Variants in MICAL3 observed in about 807,000 individuals in gnomAD.
The protein encoded by MICAL3 is [F-actin]-monooxygenase MICAL3.
In MICAL3, 62 loss-of-function variants were observed where a neutral mutation model predicts 207.4. The observed-to-expected ratio is 0.30, with a 90% CI of 0.24 to 0.37. The LOEUF is 0.37. MICAL3 is among the 10% of genes least tolerant of loss of function. The pLI, the probability that MICAL3 is intolerant of heterozygous loss-of-function variation, is 1.00. For synonymous variants in MICAL3, 1,077 were observed against 1,069.3 expected, an observed-to-expected ratio of 1.01 and a Z score of -0.14; for missense variants, 2,368 against 2,635.6, an observed-to-expected ratio of 0.90 and a Z score of 2.22.
intron 1 of MICAL3, among the ~76,000 whole-genome samples, chr22:17,993,281 G>T (rs1244581088): frequency 6.6e-6 from 1 of 151,746 alleles, no homozygotes; most frequent in South Asian, 2.1e-4. Context: ...TTTAAGTTCC[G>T]GGATACATGT....
intron 10 of MICAL3, among the ~76,000 whole-genome samples, chr22:17,894,807 A>AC (rs941390088): frequency 6.6e-6 from 1 of 151,998 alleles, no homozygotes; most frequent in Non-Finnish European, 1.5e-5. Context: ...AAAAAAAAAA[A>AC]AAAAAAAATT....
At chr22:17,996,445 G>GAAA (rs113489535) in intron 1 of MICAL3, among the ~76,000 whole-genome samples, 76 of 136,378 alleles carry the variant, frequency 5.6e-4, no homozygotes, top group African/African-American at 1.9e-3. Flanking sequence ...CTCCATCTCA[G>GAAA]AAAAAAAAAA....
At chr22:17,901,427 C>T (rs1400680808) in intron 5 of MICAL3, among the ~76,000 whole-genome samples, 1 of 152,088 alleles carries the variant, frequency 6.6e-6, no homozygotes, top group Non-Finnish European at 1.5e-5. Context: ...AATCCCAACA[C>T]CTTGGGAAAG....
At chr22:17,914,266 T>C (rs545038048) in intron 1 of MICAL3, among the ~76,000 whole-genome samples, 4 of 135,274 alleles carry the variant, frequency 3.0e-5, no homozygotes, top group Admixed American at 8.0e-5. Flanking sequence ...GAGAATGGCA[T>C]TGGGTGGAGG....
intron 12 of MICAL3, among the ~76,000 whole-genome samples, chr22:17,890,482 C>T (rs966886673): frequency 2.0e-5 from 3 of 152,148 alleles, no homozygotes; most frequent in Non-Finnish European, 4.4e-5. Flanking sequence ...CTTTCTTTGG[C>T]AGGAGTGAAT....
At position 17,877,493 on chromosome 22, in the gene MICAL3, T is replaced by G. The variant is rs112462331; in HGVS notation, c.2242-5470A>C. On this transcript the variant is annotated intron_variant, in intron 16 of 31. Transcript: ENST00000441493. ...TGGAGGTTAGGGAGGTTATGGAGGT[T>G]AGGGAGGTTATGGAGGTTAGGGAGG... is the stretch of plus-strand genomic sequence containing the variant. Among the ~76,000 whole-genome samples, 715 of 101,194 alleles carry G rather than the reference T, an allele frequency of 7.1e-3. 16 individuals carry two copies. Among genetic ancestry groups the G allele is most frequent in the African/African-American group, 8.8e-3 (174 of 19,838 alleles). 66.4% of individuals were successfully genotyped at this position (101,194 alleles called of 152,430 possible).
Position 17,826,509 on chromosome 22 carries a change from G to C in MICAL3, c.3193+1135C>G, listed in dbSNP as rs1404713219. The stretch of plus-strand genomic sequence containing the variant: ...CCGCCGCGTGGCGTATGGAGGGAAG[G>C]TCGGGCACTGAATTTAAAACAGACG... On this transcript the variant is annotated intron_variant, in intron 22 of 31. Coordinates refer to ENST00000441493, the MANE Select transcript of MICAL3 (RefSeq NM_015241.3). 7 of 985,828 alleles carry C rather than the reference G, an allele frequency of 7.1e-6. No homozygotes were observed. In the African/African-American group the frequency reaches 8.7e-5, roughly 12 times the overall value. 61.1% of individuals were successfully genotyped at this position (985,828 alleles called of 1,614,324 possible).
chr22:17,836,336 G>A (rs186557077), intron 20 of MICAL3, among the ~76,000 whole-genome samples: 1 of 152,332 alleles, frequency 6.6e-6, no homozygotes, highest in Admixed American at 6.5e-5. Context: ...AAATGCTCTA[G>A]GTCACGGGGC....
chr22:17,979,387 A>G (rs950461365), intron 1 of MICAL3, among the ~76,000 whole-genome samples: 1 of 152,132 alleles, frequency 6.6e-6, no homozygotes, highest in African/African-American at 2.4e-5. Flanking sequence ...TCTACTAAAA[A>G]TACAAAAATT....
intron 29 of MICAL3, among the ~76,000 whole-genome samples, chr22:17,795,434 C>T (rs1230388920): frequency 6.6e-6 from 1 of 152,352 alleles, no homozygotes; most frequent in East Asian, 1.9e-4. Flanking sequence ...CAACCAAACA[C>T]ATCCAAAAGG....
intron 1 of MICAL3, among the ~76,000 whole-genome samples, chr22:18,000,614 TC>T: frequency 6.6e-6 from 1 of 152,260 alleles, no homozygotes; most frequent in African/African-American, 2.4e-5. Context: ...CGTGTAGGGC[TC>T]CTCAAGATGG....
chr22:18,014,591 G>A (rs1386680917), intron 1 of MICAL3, among the ~76,000 whole-genome samples: 1 of 152,182 alleles, frequency 6.6e-6, no homozygotes, highest in Non-Finnish European at 1.5e-5. Context: ...TCCCCTAGGA[G>A]TTGTGACCTA....
In MICAL3 at chr22:17,832,058, GCTC is replaced by G. The variant is rs759042299; in HGVS notation, c.2848_2850del (p.Glu950del). On this transcript the variant is annotated inframe_deletion, in exon 21 of 32. Transcript: ENST00000441493. ...CCCAGGTCAGATGGGGGCAGGCGAG[GCTC>G]CTCCTCCTCCTCCTCTCCCTCCTCC... 1.5e-4 allele frequency: 242 copies of G among 1,567,516 alleles called. No homozygotes were observed. Among genetic ancestry groups the G allele is most frequent in the Admixed American group, 4.5e-4 (25 of 55,800 alleles).
chr22:17,836,171 C>T (rs1009587097), intron 20 of MICAL3, among the ~76,000 whole-genome samples: 6 of 152,238 alleles, frequency 3.9e-5, no homozygotes, highest in African/African-American at 1.4e-4. Context: ...GCACTTGATT[C>T]TAAACAGACA....
chr22:17,791,632 T>A (rs2061825725), intron 29 of MICAL3: 1 of 348,328 alleles, frequency 2.9e-6, no homozygotes, highest in African/African-American at 2.1e-5. Context: ...TGCCACTCAA[T>A]GTTTATTTGG....
intron 29 of MICAL3, among the ~76,000 whole-genome samples, chr22:17,798,145 T>C (rs2061896563): frequency 6.6e-6 from 1 of 152,200 alleles, no homozygotes; most frequent in Non-Finnish European, 1.5e-5. Context: ...AGAGGTGTAA[T>C]GAGGAAAATG....
intron 19 of MICAL3, chr22:17,862,855 G>A: frequency 1.0e-6 from 1 of 985,496 alleles, no homozygotes. Flanking sequence ...CACCCAAGCT[G>A]GGGGACAGTG....
In MICAL3 at chr22:17,889,106, G is replaced by A; in HGVS notation, c.1819C>T (p.Pro607Ser). ...TACATCACCATGGACAGCTTATCAG[G>A]CTCCCCCACGGAGGCCATTTCTTTG... is the stretch of plus-strand genomic sequence containing the variant. ...TGKEMASVGE[P>S]DKLSMVMYLT... Residue 607 changes from proline (P) to serine (S), a missense_variant, in exon 13 of 32, where the codon CCT (proline) becomes TCT (serine). Pro to Ser is a moderately conservative substitution (Grantham distance 74). Transcript: ENST00000441493. 2 of 1,613,738 alleles carry A rather than the reference G, an allele frequency of 1.2e-6. No individual in the cohort carries two copies. Among genetic ancestry groups the A allele is most frequent in the Non-Finnish European group, 1.7e-6 (2 of 1,179,714 alleles).
intron 16 of MICAL3, chr22:17,879,388 A>G (rs528879107): frequency 6.2e-7 from 1 of 1,612,606 alleles, no homozygotes; most frequent in African/African-American, 1.3e-5. Context: ...TGTCAGCATC[A>G]AGATCCCTGT....
Sources: allele counts gnomAD v4.1 joint callset (sites outside exome capture counted in the v4.1 genomes callset), GRCh38; gene constraint gnomAD v4.1.1; transcripts MANE v1.5; gene names NCBI Gene and HGNC (gene_info 2026-07-23, HGNC 2026-07-21).